DAB2: variants seen among roughly 807,000 people sequenced by gnomAD.
DAB2 encodes the protein DAB adaptor protein 2.
Under a neutral mutation model 71.6 loss-of-function variants are expected in DAB2, and 28 were observed. That is an observed-to-expected ratio of 0.39 (90% CI 0.29 to 0.54). The LOEUF (loss-of-function observed/expected upper bound fraction) is 0.54, where lower values mean the gene tolerates loss of function less well. Ranked by LOEUF, DAB2 falls within the 20% of genes least tolerant of loss-of-function variation. The pLI is 0.68. For missense variants in DAB2, 867 were observed against 928.8 expected (o/e 0.93, Z 0.86); for synonymous variants, 345 against 339.7 (o/e 1.02, Z -0.17).
chr5:39,373,696 AGAAG>A (rs934687969), intron 14 of DAB2, among the ~76,000 whole-genome samples: 13 of 152,164 alleles, frequency 8.5e-5, no homozygotes, highest in African/African-American at 3.1e-4. Flanking sequence ...CATGACCTAA[AGAAG>A]GAAGGACCTC....
chr5:39,375,110 A>G lies in DAB2; in HGVS notation c.2248-26T>C, dbSNP rs541138380. The G allele has an allele frequency of 1.5e-4, 228 of 1,534,238 alleles. 1 individual carries two copies. The South Asian group carries it at 2.4e-3, about 16-fold the overall frequency. Reference sequence around the variant, plus strand: ...CTAAGAAGATAAAATCATCTAGTCAATAAATACAGTTACAGTCATAAGAAA... The same window carrying G: ...CTAAGAAGATAAAATCATCTAGTCAGTAAATACAGTTACAGTCATAAGAAA... On this transcript the variant is annotated intron_variant, in intron 13 of 14. Coordinates refer to ENST00000320816, the MANE Select transcript of DAB2 (RefSeq NM_001343.4).
At chr5:39,401,533 G>T (rs1213683059) in intron 1 of DAB2, among the ~76,000 whole-genome samples, 1 of 152,082 alleles carries the variant, frequency 6.6e-6, no homozygotes, top group Non-Finnish European at 1.5e-5. Context: ...ATCATTTCCT[G>T]GCTCTGTGGC....
chr5:39,376,576 T>G, intron 12 of DAB2, 74 bp downstream of exon 12: 5 of 1,537,256 alleles, frequency 3.3e-6, no homozygotes, highest in Non-Finnish European at 4.4e-6. Flanking sequence ...AGGGTTCATT[T>G]GGGGAACTCA....
chr5:39,390,555 T>C lies in DAB2; in HGVS notation c.351A>G (p.Pro117=), dbSNP rs993243210. 6.2e-7 allele frequency: 1 copy of C among 1,613,102 alleles called. No homozygotes were observed. The highest frequency in any genetic ancestry group is 1.6e-4 in the Middle Eastern group (1 of 6,062). ...EKTGVIEHEH[P]VNKISFIARD... The stretch of plus-strand genomic sequence containing the variant: ...GGGCAATGAAAGAAATCTTATTTAC[T>C]GGATGTTCATGCTCTATTACCTTAA... Residue 117 remains proline (P), a synonymous_variant, in exon 5 of 15, where the codon CCA becomes CCG. Coordinates refer to ENST00000320816, the MANE Select transcript of DAB2 (RefSeq NM_001343.4).
At chr5:39,424,688 G>A (rs1230826282) in intron 1 of DAB2, 116 bp downstream of exon 1, 1 of 139,390 alleles carries the variant, frequency 7.2e-6, no homozygotes, top group Non-Finnish European at 1.6e-5. Context: ...CCCAAGGTCT[G>A]TACTCAAAGA....
chr5:39,374,860 T>C (rs1754783630), intron 14 of DAB2, 154 bp downstream of exon 14: 1 of 631,094 alleles, frequency 1.6e-6, no homozygotes, highest in African/African-American at 1.9e-5. Flanking sequence ...TAGTCATTAT[T>C]GAATGATCTC....
chr5:39,376,617 T>C, intron 12 of DAB2, 33 bp downstream of exon 12: 4 of 1,603,580 alleles, frequency 2.5e-6, no homozygotes, highest in South Asian at 2.2e-5. Context: ...GAGATAGTTG[T>C]TGGAACAGTA....
In DAB2 at chr5:39,390,543, A is replaced by G; in HGVS notation, c.363T>C (p.Ile121=). ...VIEHEHPVNK[I]SFIARDVTDN... Reference sequence around the variant, plus strand: ...CTGTCACATCACGGGCAATGAAAGAAATCTTATTTACTGGATGTTCATGCT... The same window carrying G: ...CTGTCACATCACGGGCAATGAAAGAGATCTTATTTACTGGATGTTCATGCT... The change falls in exon 5 of 15, where the codon ATT becomes ATC. Residue 121 remains isoleucine (I), a synonymous_variant. Coordinates refer to ENST00000320816, the MANE Select transcript of DAB2 (RefSeq NM_001343.4). 1.2e-6 allele frequency: 2 copies of G among 1,613,642 alleles called. No individual in the cohort carries two copies. The highest frequency in any genetic ancestry group is 1.7e-6 in the Non-Finnish European group (2 of 1,179,604).
chr5:39,413,463 T>C (rs922517245), intron 1 of DAB2, among the ~76,000 whole-genome samples: 2 of 152,182 alleles, frequency 1.3e-5, no homozygotes, highest in African/African-American at 4.8e-5. Context: ...GTCTGCTTTA[T>C]AGAAATGTAT....
chr5:39,410,673 T>C (rs1440034862), intron 1 of DAB2, among the ~76,000 whole-genome samples: 3 of 152,180 alleles, frequency 2.0e-5, no homozygotes, highest in Non-Finnish European at 2.9e-5. Context: ...TCTTTTAATA[T>C]GTGTTATTCA....
At chr5:39,405,912 G>A (rs1433923285) in intron 1 of DAB2, among the ~76,000 whole-genome samples, 1 of 152,200 alleles carries the variant, frequency 6.6e-6, no homozygotes, top group East Asian at 1.9e-4. Context: ...TATGGAAGAA[G>A]CCATGAGTGA....
intron 2 of DAB2, 114 bp from the exon 3 acceptor site, chr5:39,393,507 A>G: frequency 3.7e-6 from 4 of 1,072,430 alleles, no homozygotes; most frequent in Non-Finnish European, 5.5e-6. Context: ...ACAACTGATC[A>G]TGTATGTAAT....
intron 1 of DAB2, among the ~76,000 whole-genome samples, chr5:39,414,279 G>GAAACA (rs1755798171): frequency 6.6e-6 from 1 of 152,002 alleles, no homozygotes; most frequent in African/African-American, 2.4e-5. Flanking sequence ...AGGGAAATAA[G>GAAACA]AAACAAAACA....
In DAB2 at chr5:39,383,641, A is replaced by C. The variant is rs985779035; in HGVS notation, c.688-370T>G. Among the ~76,000 whole-genome samples the C allele has an allele frequency of 2.0e-5, 3 of 152,348 alleles. No individual in the cohort carries two copies. The East Asian group carries it at 5.8e-4, about 29-fold the overall frequency. ...TCTTAAAGGGAATTGATTGTGAGTC[A>C]CTATAAATGATTATCAAAGTATGTT... On this transcript the variant is annotated intron_variant, in intron 9 of 14. Transcript: ENST00000320816.
intron 1 of DAB2, among the ~76,000 whole-genome samples, chr5:39,416,584 C>A (rs1437858475): frequency 1.3e-5 from 2 of 152,120 alleles, no homozygotes; most frequent in African/African-American, 4.8e-5. Context: ...ACACACCAGA[C>A]CTTCTTATGT....
At chr5:39,395,937 C>CTTTTGTTTTTTT (rs1755356523) in intron 1 of DAB2, among the ~76,000 whole-genome samples, 1 of 74,858 alleles carries the variant, frequency 1.3e-5, no homozygotes, top group Non-Finnish European at 2.3e-5. Context: ...CACAGATATT[C>CTTTTGTTTTTTT]TTTTTTTTTT....
In DAB2 at chr5:39,411,330, T is replaced by G. The variant is rs186608853; in HGVS notation, c.-102+13474A>C. Among the ~76,000 whole-genome samples, 12 of 152,300 alleles carry G rather than the reference T, an allele frequency of 7.9e-5. 1 individual carries two copies. The highest frequency in any genetic ancestry group is 1.5e-4 in the Non-Finnish European group (10 of 68,010). On this transcript the variant is annotated intron_variant, in intron 1 of 14. Coordinates refer to ENST00000320816, the MANE Select transcript of DAB2 (RefSeq NM_001343.4). ...CATAATACTTAAGCAAGATGTTTCATTAGCTTTTATTTTCTTTCAGAGCAG... is the reference window on the plus strand; with the variant it reads ...CATAATACTTAAGCAAGATGTTTCAGTAGCTTTTATTTTCTTTCAGAGCAG...
chr5:39,408,219 G>T (rs1755648294), intron 1 of DAB2, among the ~76,000 whole-genome samples: 2 of 152,210 alleles, frequency 1.3e-5, no homozygotes, highest in African/African-American at 4.8e-5. Context: ...ATACAGACAG[G>T]TGGAACGTAT....
chr5:39,383,386 A>G, intron 9 of DAB2, 115 bp from the exon 10 acceptor site: 1 of 881,756 alleles, frequency 1.1e-6, no homozygotes, highest in Non-Finnish European at 1.7e-6. Flanking sequence ...TTTGGTCTTG[A>G]TAAATCGGTT....
Sources: gnomAD v4.1 joint callset for allele counts (sites outside exome capture counted in the v4.1 genomes callset) on GRCh38, gnomAD v4.1.1 for gene constraint, MANE v1.5 for transcripts, NCBI Gene and HGNC (gene_info 2026-07-23, HGNC 2026-07-21) for gene names.